The following TP63 variants were observed in gnomAD, a reference collection of about 807,000 sequenced individuals.
TP63 encodes tumor protein 63.
TP63 carries 17 observed loss-of-function variants against 82.8 expected under a neutral mutation model. The ratio of observed to expected loss-of-function variants is 0.21; its 90% CI spans 0.14 to 0.31. The LOEUF (loss-of-function observed/expected upper bound fraction) is 0.31, where lower values mean the gene tolerates loss of function less well. TP63 is among the 10% of genes least tolerant of loss of function. The pLI, the probability that TP63 is intolerant of heterozygous loss-of-function variation, is 1.00. For synonymous variants in TP63, 330 were observed against 321.7 expected, an observed-to-expected ratio of 1.03 and a Z score of -0.28; for missense variants, 648 against 895.3, an observed-to-expected ratio of 0.72 and a Z score of 3.52.
rs1489129378 is a variant in TP63 at position 189,808,504 on chromosome 3, C to T, written c.557C>T (p.Thr186Ile). 1 of 1,614,068 alleles carries T rather than the reference C, an allele frequency of 6.2e-7. No individual in the cohort carries two copies. Among genetic ancestry groups the T allele is most frequent in the East Asian group, 2.2e-5 (1 of 44,906 alleles). Residue 186 changes from threonine (T) to isoleucine (I), a missense_variant, in exon 4 of 14, where the codon ACC (threonine) becomes ATC (isoleucine). Around this residue, in one of 5 missense-constraint regions of TP63, gnomAD observed 64 missense variants for 144.2 expected, o/e 0.44. Transcript: ENST00000264731. ...SFDVSFQQSS[T>I]AKSATWTYST... is the part of the protein sequence containing the mutation. The stretch of plus-strand genomic sequence containing the variant: ...GACGTGTCCTTCCAGCAGTCGAGCA[C>T]CGCCAAGTCGGCCACCTGGACGGTA...
chr3:189,890,978 T>G (rs1720959192), intron 13 of TP63, 96 bp downstream of exon 13: 15 of 1,303,176 alleles, frequency 1.2e-5, no homozygotes, highest in Non-Finnish European at 1.6e-5. Context: ...GTTTAAAAAT[T>G]TGTTTTTGTC....
At chr3:189,739,192 T>C (rs1720805749) in intron 3 of TP63, among the ~76,000 whole-genome samples, 1 of 152,198 alleles carries the variant, frequency 6.6e-6, no homozygotes, top group Non-Finnish European at 1.5e-5. Flanking sequence ...CTCAGCTCAT[T>C]GCAACCTCTG....
intron 1 of TP63, among the ~76,000 whole-genome samples, chr3:189,643,472 C>G (rs1256737769): frequency 2.0e-5 from 3 of 150,302 alleles, no homozygotes; most frequent in Non-Finnish European, 4.4e-5. Flanking sequence ...AAAAAACCCT[C>G]AATGCTTTTG....
chr3:189,803,908 A>T (rs2108626288), intron 3 of TP63, among the ~76,000 whole-genome samples: 1 of 152,296 alleles, frequency 6.6e-6, no homozygotes, highest in East Asian at 1.9e-4. Context: ...TTTTTCAGAC[A>T]TGCTGAGATA....
chr3:189,835,964 A>AATAATG lies in TP63; in HGVS notation c.579+27439_579+27444dup, dbSNP rs1553850882. ...TAATAATAATAATAATAATAATAATAATAATGTAAAGTGGGGAAGGCAAGA... is the reference window on the plus strand; with the variant it reads ...TAATAATAATAATAATAATAATAATAATAATGATAATGTAAAGTGGGGAAGGCAAGA... On this transcript the variant is annotated intron_variant, in intron 4 of 13. Transcript: ENST00000264731. Among the ~76,000 whole-genome samples, 881 of 141,514 alleles carry AATAATG rather than the reference A, an allele frequency of 6.2e-3. 28 individuals are homozygous for AATAATG. Among genetic ancestry groups the AATAATG allele is most frequent in the African/African-American group, 0.017 (651 of 38,568 alleles). The allele number at this position is 141,514 out of a possible 152,430, so 92.8% of individuals were successfully genotyped here.
intron 11 of TP63, among the ~76,000 whole-genome samples, chr3:189,887,026 TG>T (rs1712246223): frequency 6.6e-6 from 1 of 151,978 alleles, no homozygotes; most frequent in Non-Finnish European, 1.5e-5. Flanking sequence ...CTGGCCAACA[TG>T]GTGAAACCCC....
intron 4 of TP63, among the ~76,000 whole-genome samples, chr3:189,846,511 T>A (rs6784696): frequency 0.14 from 21,267 of 151,856 alleles, 1,812 homozygotes; most frequent in African/African-American, 0.23. Flanking sequence ...TTCCTGGGAA[T>A]GAACAAACTA....
intron 1 of TP63, among the ~76,000 whole-genome samples, chr3:189,666,230 T>C (rs1038457418): frequency 6.6e-6 from 1 of 152,050 alleles, no homozygotes; most frequent in East Asian, 1.9e-4. Context: ...TTGAAAACTC[T>C]AGTAGTTATA....
At chr3:189,866,606 T>G in intron 5 of TP63, 76 bp from the exon 6 acceptor site, 1 of 1,336,614 alleles carries the variant, frequency 7.5e-7, no homozygotes, top group Non-Finnish European at 1.1e-6. Context: ...ACCAACATCC[T>G]GTTCATGCAA....
At chr3:189,630,938 A>G (rs1201643981), upstream of TP63, among the ~76,000 whole-genome samples, 1 of 152,106 alleles carries the variant, frequency 6.6e-6, no homozygotes, top group Non-Finnish European at 1.5e-5. Context: ...TAGATGAAAA[A>G]ACAAAACAAA....
rs548042941 is a variant in TP63 at position 189,693,916 on chromosome 3, T to C, written c.63-43824T>C. Among the ~76,000 whole-genome samples the C allele has an allele frequency of 4.6e-5, 7 of 152,312 alleles. No individual in the cohort carries two copies. The East Asian group carries it at 1.4e-3, about 29-fold the overall frequency. ...TAGATGAAGATGATTTTAAAAAGTT[T>C]CTGACACCTCAACAACACCGTTTTA... On this transcript the variant is annotated intron_variant, in intron 1 of 13. Coordinates refer to ENST00000264731, the MANE Select transcript of TP63 (RefSeq NM_003722.5).
At chr3:189,619,719 C>T in the TP63 span, among the ~76,000 whole-genome samples, 2 of 152,184 alleles carry the variant, frequency 1.3e-5, no homozygotes, top group Admixed American at 6.5e-5. Context: ...ACTGTTCCCA[C>T]CATAACTGCC....
chr3:189,803,797 G>A (rs968081794), intron 3 of TP63, among the ~76,000 whole-genome samples: 1 of 152,158 alleles, frequency 6.6e-6, no homozygotes, highest in Non-Finnish European at 1.5e-5. Flanking sequence ...GCATCTGTTT[G>A]GAATCACAGG....
At chr3:189,771,292 TA>T (rs1723323192) in intron 3 of TP63, among the ~76,000 whole-genome samples, 1 of 139,024 alleles carries the variant, frequency 7.2e-6, no homozygotes, top group Non-Finnish European at 1.5e-5. Context: ...TATAAATATA[TA>T]TTATATTTAT....
chr3:189,770,779 A>C (rs546300667), intron 3 of TP63, among the ~76,000 whole-genome samples: 5 of 152,324 alleles, frequency 3.3e-5, no homozygotes, highest in Admixed American at 2.6e-4. Flanking sequence ...AAAATGTTTG[A>C]TACTGCAAAT....
At chr3:189,854,316 C>G (rs988561492) in intron 4 of TP63, among the ~76,000 whole-genome samples, 1 of 152,146 alleles carries the variant, frequency 6.6e-6, no homozygotes, top group Non-Finnish European at 1.5e-5. Flanking sequence ...CGGCGACCCC[C>G]GCCTCCTGAG....
chr3:189,684,074 A>G (rs1204719050), intron 1 of TP63, among the ~76,000 whole-genome samples: 2 of 152,154 alleles, frequency 1.3e-5, no homozygotes, highest in Admixed American at 6.5e-5. Context: ...GTAAGAGAAA[A>G]CCCACAGCAT....
chr3:189,599,369 G>A, the TP63 span, among the ~76,000 whole-genome samples: 2 of 152,124 alleles, frequency 1.3e-5, no homozygotes, highest in African/African-American at 4.8e-5. Context: ...GAAATTTGTG[G>A]ACCCATCAAT....
chr3:189,812,236 T>C (rs991829886), intron 4 of TP63, among the ~76,000 whole-genome samples: 1 of 152,214 alleles, frequency 6.6e-6, no homozygotes, highest in Admixed American at 6.5e-5. Context: ...ATTTTTCCTT[T>C]GCGTTTCTGT....
Sources: gnomAD v4.1 joint callset for allele counts (sites outside exome capture counted in the v4.1 genomes callset) on GRCh38, gnomAD v4.1.1 for gene constraint, gnomAD v4.1.1 regional missense constraint, MANE v1.5 for transcripts, NCBI Gene and HGNC (gene_info 2026-07-23, HGNC 2026-07-21) for gene names.